CCBE1: variants seen among roughly 807,000 people sequenced by gnomAD.
CCBE1 encodes collagen and calcium-binding EGF domain-containing protein 1.
CCBE1 carries 37 observed loss-of-function variants against 50.0 expected under a neutral mutation model. The observed-to-expected ratio is 0.74, with a 90% confidence interval of 0.57 to 0.97. The LOEUF (loss-of-function observed/expected upper bound fraction) is 0.97. Ranked by LOEUF, CCBE1 falls within the 50% of genes least tolerant of loss-of-function variation. CCBE1 has a pLI of 0.00. For synonymous variants in CCBE1, 234 were observed against 203.7 expected (o/e 1.15, Z -1.27); for missense variants, 538 against 523.8 (o/e 1.03, Z -0.26).
intron 7 of CCBE1, among the ~76,000 whole-genome samples, chr18:59,442,633 CAGG>C (rs973088187): frequency 1.3e-5 from 2 of 152,042 alleles, no homozygotes; most frequent in African/African-American, 4.8e-5. Context: ...GAGACTGAGG[CAGG>C]AGAATCTCCT....
chr18:59,594,819 A>T (rs546705478), intron 2 of CCBE1, among the ~76,000 whole-genome samples: 4 of 152,174 alleles, frequency 2.6e-5, no homozygotes, highest in Admixed American at 2.6e-4. Context: ...AGTCATTAAG[A>T]ATAGCAGTTC....
At chr18:59,672,629 G>A (rs2054448519) in intron 2 of CCBE1, among the ~76,000 whole-genome samples, 1 of 152,194 alleles carries the variant, frequency 6.6e-6, no homozygotes, top group African/African-American at 2.4e-5. Flanking sequence ...CTGAACCACT[G>A]CAGCCTGCAT....
chr18:59,500,122 TC>T (rs1400605863), intron 2 of CCBE1, among the ~76,000 whole-genome samples: 1 of 152,150 alleles, frequency 6.6e-6, no homozygotes, highest in Non-Finnish European at 1.5e-5. Flanking sequence ...CCTGAGGACC[TC>T]TTAGGCCACC....
At chr18:59,512,174 G>T (rs560959435) in intron 2 of CCBE1, among the ~76,000 whole-genome samples, 3 of 152,332 alleles carry the variant, frequency 2.0e-5, no homozygotes, top group African/African-American at 7.2e-5. Flanking sequence ...TACCAAAGAA[G>T]CGAAGTGCTG....
intron 2 of CCBE1, among the ~76,000 whole-genome samples, chr18:59,531,955 C>T (rs1206209847): frequency 6.6e-6 from 1 of 152,168 alleles, no homozygotes; most frequent in Non-Finnish European, 1.5e-5. Context: ...CTAAAATGAC[C>T]ATGTATCACA....
chr18:59,656,077 G>A (rs1468696459), intron 2 of CCBE1, among the ~76,000 whole-genome samples: 2 of 152,174 alleles, frequency 1.3e-5, no homozygotes, highest in African/African-American at 4.8e-5. Flanking sequence ...AGGAGGAGGA[G>A]GTTATCCTCA....
At chr18:59,661,478 T>TG (rs1337104517) in intron 2 of CCBE1, among the ~76,000 whole-genome samples, 12 of 152,178 alleles carry the variant, frequency 7.9e-5, no homozygotes, top group Non-Finnish European at 1.6e-4. Flanking sequence ...GTTAATGAAA[T>TG]GGGGTGAGAA....
intron 2 of CCBE1, among the ~76,000 whole-genome samples, chr18:59,523,741 A>C (rs1420029771): frequency 6.6e-6 from 1 of 152,218 alleles, no homozygotes; most frequent in African/African-American, 2.4e-5. Flanking sequence ...TGAAGCTAAA[A>C]GAAGTGAAGC....
intron 2 of CCBE1, among the ~76,000 whole-genome samples, chr18:59,614,887 C>A (rs931721901): frequency 2.0e-5 from 3 of 152,246 alleles, no homozygotes; most frequent in Non-Finnish European, 4.4e-5. Context: ...TGTCCAATCA[C>A]AATTCATTAT....
At chr18:59,590,509 T>C (rs1200314909) in intron 2 of CCBE1, among the ~76,000 whole-genome samples, 1 of 152,146 alleles carries the variant, frequency 6.6e-6, no homozygotes, top group African/African-American at 2.4e-5. Flanking sequence ...TTTATGGAGC[T>C]AGGCATGATG....
chr18:59,574,753 T>C (rs2052967662), intron 2 of CCBE1, among the ~76,000 whole-genome samples: 2 of 152,168 alleles, frequency 1.3e-5, no homozygotes, highest in South Asian at 4.1e-4. Flanking sequence ...TTGCCTGGGG[T>C]GAGGACAGAC....
At chr18:59,475,730 T>C (rs1568160410) in intron 3 of CCBE1, among the ~76,000 whole-genome samples, 1 of 152,158 alleles carries the variant, frequency 6.6e-6, no homozygotes, top group Non-Finnish European at 1.5e-5. Flanking sequence ...ATTTATTTAT[T>C]TTTTTGAGAT....
chr18:59,507,233 C>G (rs927545651), intron 2 of CCBE1, among the ~76,000 whole-genome samples: 4 of 152,212 alleles, frequency 2.6e-5, no homozygotes, highest in African/African-American at 9.6e-5. Context: ...ATTCAGCCCT[C>G]CATTTCATTC....
At chr18:59,513,428 G>A (rs893791452) in intron 2 of CCBE1, among the ~76,000 whole-genome samples, 1 of 152,254 alleles carries the variant, frequency 6.6e-6, no homozygotes, top group Non-Finnish European at 1.5e-5. Flanking sequence ...TGTCTCTCTT[G>A]TCTGGCTGTC....
intron 2 of CCBE1, chr18:59,696,379 T>G: frequency 1.1e-6 from 1 of 946,202 alleles, no homozygotes; most frequent in Non-Finnish European, 1.5e-6. Flanking sequence ...CACAAGTATT[T>G]CAGGGAGCGG....
At chr18:59,470,901 G>A (rs1246568885) in intron 3 of CCBE1, among the ~76,000 whole-genome samples, 6 of 152,146 alleles carry the variant, frequency 3.9e-5, no homozygotes, top group Admixed American at 3.9e-4. Context: ...CCACTCTCAC[G>A]ATGACCTGGA....
chr18:59,552,183 G>A (rs1365387104), intron 2 of CCBE1, among the ~76,000 whole-genome samples: 1 of 152,188 alleles, frequency 6.6e-6, no homozygotes. Flanking sequence ...AAGTGGTAAG[G>A]CTCTTTGTGG....
chr18:59,687,484 T>G (rs1463363977), intron 2 of CCBE1, among the ~76,000 whole-genome samples: 1 of 152,238 alleles, frequency 6.6e-6, no homozygotes, highest in African/African-American at 2.4e-5. Flanking sequence ...GTTTCCTAAC[T>G]TTTCCCTTCC....
intron 2 of CCBE1, among the ~76,000 whole-genome samples, chr18:59,688,842 G>T (rs191336768): frequency 2.8e-4 from 42 of 152,292 alleles, no homozygotes; most frequent in African/African-American, 9.9e-4. Flanking sequence ...GTGATACACA[G>T]GTAAGTGACC....
Sources: allele counts gnomAD v4.1 joint callset (sites outside exome capture counted in the v4.1 genomes callset), GRCh38; gene constraint gnomAD v4.1.1; transcripts MANE v1.5; gene names NCBI Gene and HGNC (gene_info 2026-07-23, HGNC 2026-07-21).